NAV1: variants seen among roughly 807,000 people sequenced by gnomAD.
NAV1 encodes the protein neuron navigator 1.
Under a neutral mutation model 175.2 loss-of-function variants are expected in NAV1, and 18 were observed. The observed-to-expected ratio is 0.10, with a 90% CI of 0.07 to 0.15. The LOEUF is 0.15. Ranked by LOEUF, NAV1 falls within the 10% of genes least tolerant of loss-of-function variation. The probability of loss-of-function intolerance (pLI) is 1.00; values close to 1 mark genes in which losing one functional copy is unlikely to be tolerated. For missense variants in NAV1, 1,731 were observed against 2,436.6 expected, an observed-to-expected ratio of 0.71 and a Z score of 6.10; for synonymous variants, 897 against 978.7, an observed-to-expected ratio of 0.92 and a Z score of 1.56.
chr1:201,598,696 T>C (rs1424381942), intron 2 of NAV1, among the ~76,000 whole-genome samples: 1 of 152,120 alleles, frequency 6.6e-6, no homozygotes, highest in Non-Finnish European at 1.5e-5. Flanking sequence ...TCAATTGCCT[T>C]CCCCCGACTA....
chr1:201,600,491 A>G (rs899217157), intron 2 of NAV1, among the ~76,000 whole-genome samples: 1 of 152,246 alleles, frequency 6.6e-6, no homozygotes, highest in Admixed American at 6.5e-5. Flanking sequence ...TCTATACTTT[A>G]GTTAATAGTA....
chr1:201,774,702 CCT>C (rs1176253673), intron 3 of NAV1, among the ~76,000 whole-genome samples: 1 of 152,174 alleles, frequency 6.6e-6, no homozygotes, highest in African/African-American at 2.4e-5. Flanking sequence ...TGTCTCGTCA[CCT>C]CTCTCTACTC....
chr1:201,771,287 G>C (rs1675567551), intron 3 of NAV1, among the ~76,000 whole-genome samples: 1 of 150,334 alleles, frequency 6.7e-6, no homozygotes, highest in Non-Finnish European at 1.5e-5. Flanking sequence ...GAAGCAGGCA[G>C]GTCACCTGAG....
At chr1:201,642,525 T>TTTC (rs1553247052) in intron 2 of NAV1, among the ~76,000 whole-genome samples, 2,730 of 100,290 alleles carry the variant, frequency 0.027, 153 homozygotes, top group East Asian at 0.11. Context: ...TTCTTTCTTT[T>TTTC]TTTCTTTCTT....
chr1:201,663,205 G>A (rs1290900173), intron 1 of NAV1, among the ~76,000 whole-genome samples: 1 of 152,250 alleles, frequency 6.6e-6, no homozygotes, highest in Non-Finnish European at 1.5e-5. Flanking sequence ...TTCTCCAGAA[G>A]TTGCCTTTGG....
intron 1 of NAV1, among the ~76,000 whole-genome samples, chr1:201,666,605 T>G (rs944055205): frequency 6.6e-6 from 1 of 152,136 alleles, no homozygotes; most frequent in Non-Finnish European, 1.5e-5. Flanking sequence ...GCCAGGGCCA[T>G]CTCCCTCCAT....
chr1:201,717,034 A>G (rs570939763), intron 2 of NAV1, among the ~76,000 whole-genome samples: 1 of 152,326 alleles, frequency 6.6e-6, no homozygotes, highest in East Asian at 1.9e-4. Flanking sequence ...GACTACTGCC[A>G]GGACCCCAGC....
chr1:201,568,819 C>A (rs1185669447), intron 1 of NAV1, among the ~76,000 whole-genome samples: 1 of 152,222 alleles, frequency 6.6e-6, no homozygotes, highest in East Asian at 1.9e-4. Context: ...CCGACTCCCT[C>A]TTCTTTCCCA....
intron 1 of NAV1, among the ~76,000 whole-genome samples, chr1:201,624,606 A>G (rs1325516625): frequency 6.6e-6 from 1 of 151,976 alleles, no homozygotes; most frequent in East Asian, 1.9e-4. Context: ...TCAGCCTCCC[A>G]AAGTGCTGGG....
At chr1:201,567,843 T>G (rs1019056225) in intron 1 of NAV1, among the ~76,000 whole-genome samples, 5 of 152,228 alleles carry the variant, frequency 3.3e-5, no homozygotes, top group Admixed American at 3.3e-4. Context: ...TGTATTATAT[T>G]TGTGAGACCC....
At chr1:201,773,957 C>T (rs549720734) in intron 3 of NAV1, among the ~76,000 whole-genome samples, 2 of 152,148 alleles carry the variant, frequency 1.3e-5, no homozygotes, top group Non-Finnish European at 2.9e-5. Flanking sequence ...TGCCATTGTT[C>T]TTATAAGAAC....
rs1409857741 is a variant in NAV1, at chr1:201,740,711, G to A, written c.1226+21956G>A. The stretch of plus-strand genomic sequence containing the variant: ...CCCTGGGAAGGGGTGAAAAATCGGA[G>A]AGCCGGGTAATTTGGGGAGACGCAC... On this transcript the variant is annotated intron_variant, in intron 3 of 29. Transcript: ENST00000367296. This position sits in a 1 kb window ranked among gnomAD's most constrained non-coding sequence, Gnocchi z 4.7. Among the ~76,000 whole-genome samples, 1 of 152,118 alleles carries A rather than the reference G, an allele frequency of 6.6e-6. No homozygotes were observed. The highest frequency in any genetic ancestry group is 2.4e-5 in the African/African-American group (1 of 41,412).
chr1:201,590,035 G>C (rs1178615569), intron 2 of NAV1, among the ~76,000 whole-genome samples: 2 of 152,150 alleles, frequency 1.3e-5, no homozygotes, highest in African/African-American at 2.4e-5. Flanking sequence ...TGGGATTACA[G>C]GTGCGCACCA....
At chr1:201,603,630 C>T (rs766058696) in intron 2 of NAV1, among the ~76,000 whole-genome samples, 4 of 152,160 alleles carry the variant, frequency 2.6e-5, no homozygotes, top group African/African-American at 4.8e-5. Context: ...GAACCCTTCC[C>T]TTCCTTGAAG....
intron 2 of NAV1, among the ~76,000 whole-genome samples, chr1:201,596,916 C>T (rs1420150517): frequency 1.3e-5 from 2 of 152,146 alleles, no homozygotes; most frequent in Admixed American, 6.5e-5. Context: ...ACCTCCGCCT[C>T]CTGGGTTCAA....
intron 3 of NAV1, among the ~76,000 whole-genome samples, chr1:201,754,914 C>T (rs1183320655): frequency 1.3e-5 from 2 of 152,130 alleles, no homozygotes; most frequent in Non-Finnish European, 2.9e-5. Flanking sequence ...TTGTCTCAAA[C>T]AATGGAATTA....
intron 24 of NAV1, 34 bp from the exon 29 acceptor site, chr1:201,811,569 C>A (rs977113203): frequency 3.7e-6 from 6 of 1,613,534 alleles, no homozygotes; most frequent in Admixed American, 3.3e-5. Flanking sequence ...CTGCTTATTC[C>A]CAAGTGCTGA....
intron 22 of NAV1, 69 bp from the exon 27 acceptor site, chr1:201,809,877 A>C (rs1678581120): frequency 7.1e-7 from 1 of 1,417,978 alleles, no homozygotes; most frequent in Non-Finnish European, 9.8e-7. Context: ...TCTGATAGAC[A>C]TTCTTTGTTG....
At chr1:201,651,786 T>C (rs941081549) in intron 1 of NAV1, among the ~76,000 whole-genome samples, 16 of 152,156 alleles carry the variant, frequency 1.1e-4, no homozygotes, top group Middle Eastern at 3.4e-3. Flanking sequence ...CTGAGGGGCT[T>C]AGCTCTCTGG....
Sources: gnomAD v4.1 joint callset for allele counts (sites outside exome capture counted in the v4.1 genomes callset) on GRCh38, gnomAD v4.1.1 for gene constraint, Gnocchi (gnomAD v3.1) non-coding constraint, MANE v1.5 for transcripts, NCBI Gene and HGNC (gene_info 2026-07-23, HGNC 2026-07-21) for gene names.